The following CSMD1 variants were observed in gnomAD, a reference collection of about 807,000 sequenced individuals.
The protein encoded by CSMD1 is CUB and sushi domain-containing protein 1.
Under a neutral mutation model 417.5 loss-of-function variants are expected in CSMD1, and 213 were observed. The ratio of observed to expected loss-of-function variants is 0.51; its 90% CI spans 0.46 to 0.57. The LOEUF is 0.57. Ranked by LOEUF, CSMD1 falls within the 20% of genes least tolerant of loss-of-function variation. The pLI, the probability that CSMD1 is intolerant of heterozygous loss-of-function variation, is 0.00. For missense variants in CSMD1, 6,923 were observed against 4,529.7 expected (o/e 1.53, Z -15.17); for synonymous variants, 2,862 against 1,736.8 (o/e 1.65, Z -16.11).
intron 3 of CSMD1, among the ~76,000 whole-genome samples, chr8:4,270,556 C>G (rs1281028182): frequency 6.6e-6 from 1 of 152,088 alleles, no homozygotes; most frequent in Non-Finnish European, 1.5e-5. Flanking sequence ...AGCTTGAACC[C>G]CATTATGTTT....
At chr8:4,843,829 A>G (rs11997092) in intron 1 of CSMD1, among the ~76,000 whole-genome samples, 2 of 152,238 alleles carry the variant, frequency 1.3e-5, no homozygotes, top group Non-Finnish European at 2.9e-5. Context: ...GTGGAAGCAC[A>G]GGAGAGCTGA....
rs566638707 is a variant in CSMD1, at chr8:3,204,694, C to T, written c.4984+810G>A. Among the ~76,000 whole-genome samples, 165 of 152,224 alleles carry T rather than the reference C, an allele frequency of 1.1e-3. 2 individuals carry two copies. Among genetic ancestry groups the T allele is most frequent in the African/African-American group, 3.8e-3 (159 of 41,528 alleles). Reference sequence around the variant, plus strand: ...TGTTAAAAATGCTTTATCTCAAATACGTCTAACATTAGAATTTTTACCTGC... The same window carrying T: ...TGTTAAAAATGCTTTATCTCAAATATGTCTAACATTAGAATTTTTACCTGC... On this transcript the variant is annotated intron_variant, in intron 31 of 69. Transcript: ENST00000635120.
chr8:4,973,686 C>T (rs1441287403), intron 1 of CSMD1, among the ~76,000 whole-genome samples: 1 of 152,144 alleles, frequency 6.6e-6, no homozygotes, highest in African/African-American at 2.4e-5. Flanking sequence ...TTATCCTGAC[C>T]ATAAGCAGAG....
intron 1 of CSMD1, among the ~76,000 whole-genome samples, chr8:4,702,526 C>T (rs796662224): frequency 2.4e-4 from 37 of 152,190 alleles, no homozygotes; most frequent in African/African-American, 8.9e-4. Flanking sequence ...TATTTACCAG[C>T]TTAAAAAATA....
intron 6 of CSMD1, among the ~76,000 whole-genome samples, chr8:3,731,823 C>T (rs780262311): frequency 1.1e-4 from 17 of 152,148 alleles, no homozygotes; most frequent in Non-Finnish European, 1.6e-4. Context: ...ATTTACTCCT[C>T]ACCACCCATG....
At chr8:3,874,129 A>C (rs915709026) in intron 5 of CSMD1, among the ~76,000 whole-genome samples, 1 of 151,938 alleles carries the variant, frequency 6.6e-6, no homozygotes, top group African/African-American at 2.4e-5. Flanking sequence ...CAGGAGGCCT[A>C]CCCCTTCCCC....
intron 1 of CSMD1, among the ~76,000 whole-genome samples, chr8:4,806,918 C>T (rs1016778355): frequency 6.6e-6 from 1 of 152,172 alleles, no homozygotes; most frequent in Non-Finnish European, 1.5e-5. Context: ...AGTACAGATG[C>T]ATGCCTGCGC....
chr8:4,244,935 A>T (rs1215805591), intron 3 of CSMD1, among the ~76,000 whole-genome samples: 1 of 152,298 alleles, frequency 6.6e-6, no homozygotes, highest in African/African-American at 2.4e-5. Context: ...TGTCATCACC[A>T]TTGCTTGAAA....
chr8:3,902,067 T>C (rs368170305), intron 5 of CSMD1, among the ~76,000 whole-genome samples: 2 of 152,220 alleles, frequency 1.3e-5, no homozygotes, highest in African/African-American at 4.8e-5. Context: ...TACAGATTGT[T>C]GCCAGATTCC....
intron 5 of CSMD1, among the ~76,000 whole-genome samples, chr8:3,949,100 T>C (rs1811433388): frequency 6.6e-6 from 1 of 152,220 alleles, no homozygotes; most frequent in African/African-American, 2.4e-5. Flanking sequence ...TATACCTATT[T>C]ATGATGTGCG....
chr8:3,650,766 A>AT (rs1000101878), intron 7 of CSMD1, among the ~76,000 whole-genome samples: 11 of 152,088 alleles, frequency 7.2e-5, no homozygotes, highest in Admixed American at 6.5e-4. Flanking sequence ...CAAAAATGTG[A>AT]TTTTTTTCTA....
At chr8:3,501,752 G>A (rs891585916) in intron 10 of CSMD1, among the ~76,000 whole-genome samples, 2 of 152,062 alleles carry the variant, frequency 1.3e-5, no homozygotes, top group Non-Finnish European at 2.9e-5. Context: ...CAAGAAGAAC[G>A]ATTACACATT....
intron 3 of CSMD1, among the ~76,000 whole-genome samples, chr8:4,169,677 T>C (rs1394234598): frequency 6.6e-6 from 1 of 152,082 alleles, no homozygotes; most frequent in East Asian, 1.9e-4. Context: ...AAGAGCACAC[T>C]CCTGGATGGC....
At chr8:4,395,079 C>G (rs1032410286) in intron 3 of CSMD1, among the ~76,000 whole-genome samples, 2 of 152,146 alleles carry the variant, frequency 1.3e-5, no homozygotes, top group African/African-American at 4.8e-5. Flanking sequence ...TGTCCTGGCA[C>G]CTCCTGCACC....
Position 4,381,265 on chromosome 8 carries a change from C to T in CSMD1, c.415+38688G>A, listed in dbSNP as rs55960555. 6.0e-3 allele frequency among the ~76,000 whole-genome samples: 918 copies of T among 152,190 alleles called. 12 individuals are homozygous for T. Among genetic ancestry groups the T allele is most frequent in the African/African-American group, 0.021 (864 of 41,512 alleles). ...GGAGCATCTGAGTGAGGAATAAAGGCGTCAAAACAGCCTTCCAGAGGTTGG... is the reference window on the plus strand; with the variant it reads ...GGAGCATCTGAGTGAGGAATAAAGGTGTCAAAACAGCCTTCCAGAGGTTGG... On this transcript the variant is annotated intron_variant, in intron 3 of 69. Transcript: ENST00000635120.
rs181454805 is a variant in CSMD1, at chr8:2,971,881, A to G, written c.8923+1236T>C. On this transcript the variant is annotated intron_variant, in intron 57 of 69. Coordinates refer to ENST00000635120, the MANE Select transcript of CSMD1 (RefSeq NM_033225.6). ...ACAACTTTTTTAGGGCCTAGTCTTAAGATTTATACTACTTTGATTGTCAAG... is the reference window on the plus strand; with the variant it reads ...ACAACTTTTTTAGGGCCTAGTCTTAGGATTTATACTACTTTGATTGTCAAG... Among the ~76,000 whole-genome samples, 21 of 152,308 alleles carry G rather than the reference A, an allele frequency of 1.4e-4. No homozygotes were observed. In the East Asian group the frequency reaches 3.9e-3, roughly 28 times the overall value.
chr8:3,326,297 C>T (rs1806526511), intron 23 of CSMD1, among the ~76,000 whole-genome samples: 1 of 152,210 alleles, frequency 6.6e-6, no homozygotes, highest in South Asian at 2.1e-4. Flanking sequence ...ACATTGAGTA[C>T]ATCAATTAAG....
chr8:3,330,070 C>T (rs1806793110), intron 23 of CSMD1, among the ~76,000 whole-genome samples: 1 of 152,130 alleles, frequency 6.6e-6, no homozygotes, highest in Admixed American at 6.5e-5. Flanking sequence ...GGTGTGGCCC[C>T]ATCCCTGGGT....
At chr8:4,497,922 C>T (rs879420082) in intron 2 of CSMD1, among the ~76,000 whole-genome samples, 2 of 152,110 alleles carry the variant, frequency 1.3e-5, no homozygotes, top group East Asian at 1.9e-4. Context: ...AAGAAGCTCA[C>T]GGACACAGAC....
Sources: gnomAD v4.1 joint callset for allele counts (sites outside exome capture counted in the v4.1 genomes callset) on GRCh38, gnomAD v4.1.1 for gene constraint, MANE v1.5 for transcripts, NCBI Gene and HGNC (gene_info 2026-07-23, HGNC 2026-07-21) for gene names.